The following ZNF407 variants were observed in gnomAD, a reference collection of about 807,000 sequenced individuals.
ZNF407 encodes zinc finger protein 407.
A neutral mutation model predicts 131.2 loss-of-function variants in ZNF407; 17 were observed. That is an observed-to-expected ratio of 0.13 (90% confidence interval 0.09 to 0.19). The LOEUF (loss-of-function observed/expected upper bound fraction) is 0.19, where lower values mean the gene tolerates loss of function less well. Ranked by LOEUF, ZNF407 falls within the 10% of genes least tolerant of loss-of-function variation. The pLI is 1.00. For synonymous variants in ZNF407, 1,156 were observed against 1,062.0 expected (o/e 1.09, Z -1.72); for missense variants, 2,681 against 2,830.6 (o/e 0.95, Z 1.20).
rs1344586309 is a variant in ZNF407, at chr18:75,048,856, A to G, written c.5429-14294A>G. 6.6e-6 allele frequency among the ~76,000 whole-genome samples: 1 copy of G among 152,146 alleles called. No homozygotes were observed. The highest frequency in any genetic ancestry group is 1.5e-5 in the Non-Finnish European group (1 of 68,008). ...AAATTGGAGGGTGGGAAGGGGCAGAAGGGGTGAGCAGGCAGTGTTCAGGCT... is the reference window on the plus strand; with the variant it reads ...AAATTGGAGGGTGGGAAGGGGCAGAGGGGGTGAGCAGGCAGTGTTCAGGCT... On this transcript the variant is annotated intron_variant, in intron 8 of 8. Coordinates refer to ENST00000299687, the MANE Select transcript of ZNF407 (RefSeq NM_017757.3). The surrounding 1 kb of genome is among the most constrained non-coding windows in gnomAD (Gnocchi z 4.1).
At chr18:74,860,541 G>A (rs1416571368) in intron 4 of ZNF407, among the ~76,000 whole-genome samples, 4 of 150,236 alleles carry the variant, frequency 2.7e-5, no homozygotes, top group Admixed American at 6.7e-5. Context: ...AAATGAAATC[G>A]TCTATTTTCA....
intron 8 of ZNF407, among the ~76,000 whole-genome samples, chr18:74,963,153 T>C (rs1972367674): frequency 1.7e-5 from 2 of 115,638 alleles, no homozygotes; most frequent in African/African-American, 1.1e-4. Flanking sequence ...CCTTCATTCC[T>C]TTTTTTTTTT....
chr18:74,960,052 T>C (rs1972321101), intron 8 of ZNF407, among the ~76,000 whole-genome samples: 1 of 152,236 alleles, frequency 6.6e-6, no homozygotes. Context: ...ATTCTCTGAT[T>C]TTGTATAATT....
chr18:74,690,725 T>C (rs984383886), intron 3 of ZNF407, among the ~76,000 whole-genome samples: 6 of 152,170 alleles, frequency 3.9e-5, no homozygotes, highest in Non-Finnish European at 7.4e-5. Flanking sequence ...AATATTTTCC[T>C]GTATTGCCAA....
intron 8 of ZNF407, among the ~76,000 whole-genome samples, chr18:74,980,877 G>A (rs895850527): frequency 6.6e-6 from 1 of 152,132 alleles, no homozygotes; most frequent in African/African-American, 2.4e-5. Flanking sequence ...TTGGAGAGGA[G>A]CCCGGACAGC....
intron 8 of ZNF407, among the ~76,000 whole-genome samples, chr18:74,987,741 A>AT (rs1194822428): frequency 6.6e-6 from 1 of 152,204 alleles, no homozygotes; most frequent in African/African-American, 2.4e-5. Flanking sequence ...TTAGGGATAC[A>AT]TTTTTTAAAA....
chr18:74,694,284 G>A (rs1417529830), intron 3 of ZNF407, among the ~76,000 whole-genome samples: 1 of 152,112 alleles, frequency 6.6e-6, no homozygotes, highest in African/African-American at 2.4e-5. Context: ...TCAATGTTAA[G>A]GTGTGACCGT....
intron 3 of ZNF407, among the ~76,000 whole-genome samples, chr18:74,675,022 A>G (rs1027653144): frequency 6.6e-6 from 1 of 152,180 alleles, no homozygotes; most frequent in Non-Finnish European, 1.5e-5. Flanking sequence ...GATGTCTCAA[A>G]CTTAATATGG....
intron 8 of ZNF407, among the ~76,000 whole-genome samples, chr18:75,026,649 G>A (rs1014009191): frequency 6.6e-5 from 10 of 152,186 alleles, no homozygotes; most frequent in South Asian, 2.1e-4. Flanking sequence ...ATTTGGAAAC[G>A]CAGTTCAAGA....
intron 3 of ZNF407, among the ~76,000 whole-genome samples, chr18:74,642,480 GAAGT>G (rs1568142382): frequency 6.6e-6 from 1 of 152,126 alleles, no homozygotes. Context: ...TCATTTCTGA[GAAGT>G]AAGTAAACAA....
At chr18:74,636,008 G>C (rs1984447093) in intron 2 of ZNF407, among the ~76,000 whole-genome samples, 1 of 152,114 alleles carries the variant, frequency 6.6e-6, no homozygotes, top group African/African-American at 2.4e-5. Context: ...AGTTGTTTCT[G>C]AGTCCTAATT....
chr18:74,988,125 G>A (rs567343013), intron 8 of ZNF407, among the ~76,000 whole-genome samples: 55 of 152,328 alleles, frequency 3.6e-4, no homozygotes, highest in Non-Finnish European at 6.6e-4. Context: ...CCACACAAGC[G>A]TGTGGTCAGT....
intron 6 of ZNF407, among the ~76,000 whole-genome samples, chr18:74,887,775 T>G (rs2145193308): frequency 6.6e-6 from 1 of 152,288 alleles, no homozygotes; most frequent in African/African-American, 2.4e-5. Flanking sequence ...TCACCCTGCA[T>G]GTTTGGTGGT....
intron 4 of ZNF407, among the ~76,000 whole-genome samples, chr18:74,783,446 TG>T (rs1358132020): frequency 2.0e-5 from 3 of 152,176 alleles, no homozygotes; most frequent in African/African-American, 7.2e-5. Flanking sequence ...AGGGAAAAGT[TG>T]ATCTCCCCAT....
rs1409109439 is a variant in ZNF407 at position 74,631,643 on chromosome 18, C to G, written c.624C>G (p.His208Gln). The G allele has an allele frequency of 6.2e-7, 1 of 1,613,992 alleles. No individual in the cohort carries two copies. ...CSDLEKHAESHMQQPKEHTCC... is the reference protein window; with the variant it reads ...CSDLEKHAESQMQQPKEHTCC... Reference sequence around the variant, plus strand: ...ACTTGGAAAAACATGCTGAGTCTCACATGCAGCAGCCTAAGGAACATACCT... The same window carrying G: ...ACTTGGAAAAACATGCTGAGTCTCAGATGCAGCAGCCTAAGGAACATACCT... Residue 208 changes from histidine (H) to glutamine (Q), a missense_variant, in exon 2 of 9, where the codon CAC (histidine) becomes CAG (glutamine). Coordinates refer to ENST00000299687, the MANE Select transcript of ZNF407 (RefSeq NM_017757.3).
rs376601387 is a variant in ZNF407, at chr18:74,854,057, G to A, written c.4878-23140G>A. On this transcript the variant is annotated intron_variant, in intron 4 of 8. Coordinates refer to ENST00000299687, the MANE Select transcript of ZNF407 (RefSeq NM_017757.3). The stretch of plus-strand genomic sequence containing the variant: ...ATATAATGGTTTGCGAATGTCTGGC[G>A]GATGAGTGAGGGGGCCCAGCCTCTC... Among the ~76,000 whole-genome samples the A allele has an allele frequency of 5.9e-5, 9 of 152,226 alleles. No individual in the cohort carries two copies. The South Asian group carries it at 1.0e-3, about 18-fold the overall frequency.
intron 7 of ZNF407, among the ~76,000 whole-genome samples, chr18:74,910,592 TTTAAC>T (rs550056925): frequency 6.6e-6 from 1 of 152,200 alleles, no homozygotes; most frequent in South Asian, 2.1e-4. Flanking sequence ...GTGAAGCCTC[TTTAAC>T]TTATCACGGA....
At chr18:74,995,676 G>A (rs1972772365) in intron 8 of ZNF407, among the ~76,000 whole-genome samples, 1 of 152,136 alleles carries the variant, frequency 6.6e-6, no homozygotes, top group African/African-American at 2.4e-5. Context: ...TTTGGTGGGA[G>A]AGGCAGAAGG....
At chr18:74,869,049 G>T (rs146039513) in intron 4 of ZNF407, among the ~76,000 whole-genome samples, 1 of 152,238 alleles carries the variant, frequency 6.6e-6, no homozygotes, top group Non-Finnish European at 1.5e-5. Flanking sequence ...TTAGGATTGT[G>T]TAGTAAATGT....
Sources: gnomAD v4.1 joint callset for allele counts (sites outside exome capture counted in the v4.1 genomes callset) on GRCh38, gnomAD v4.1.1 for gene constraint, Gnocchi (gnomAD v3.1) non-coding constraint, MANE v1.5 for transcripts, NCBI Gene and HGNC (gene_info 2026-07-23, HGNC 2026-07-21) for gene names.